FBXO4: variants seen among roughly 807,000 people sequenced by gnomAD.
FBXO4 encodes the protein F-box protein 4.
Under a neutral mutation model 43.7 loss-of-function variants are expected in FBXO4, and 36 were observed. That is an observed-to-expected ratio of 0.82 (90% confidence interval 0.63 to 1.09). The LOEUF (loss-of-function observed/expected upper bound fraction) is 1.09. Ranked by LOEUF, FBXO4 falls within the 50% of genes least tolerant of loss-of-function variation. FBXO4 has a pLI of 0.00. For missense variants in FBXO4, 435 were observed against 474.1 expected (o/e 0.92, Z 0.77); for synonymous variants, 180 against 165.6 (o/e 1.09, Z -0.67).
chr5:41,947,257 A>T, the FBXO4 span, among the ~76,000 whole-genome samples: 1 of 152,250 alleles, frequency 6.6e-6, no homozygotes, highest in Non-Finnish European at 1.5e-5. Flanking sequence ...AACTACCTTC[A>T]TCAATTAAGA....
chr5:41,966,935 T>C, the FBXO4 span, among the ~76,000 whole-genome samples: 1 of 152,196 alleles, frequency 6.6e-6, no homozygotes, highest in African/African-American at 2.4e-5. Context: ...GGTAGATCCC[T>C]TGACCCTGCA....
At chr5:41,928,022 C>T (rs569177771) in intron 2 of FBXO4, among the ~76,000 whole-genome samples, 1 of 152,258 alleles carries the variant, frequency 6.6e-6, no homozygotes, top group East Asian at 1.9e-4. Flanking sequence ...GTGCTTGACT[C>T]AGTAGCAAAA....
At chr5:41,993,641 C>T in the FBXO4 span, among the ~76,000 whole-genome samples, 6 of 104,330 alleles carry the variant, frequency 5.8e-5, no homozygotes, top group African/African-American at 1.8e-4. Context: ...ATATATATAT[C>T]GTTTTATGTA....
chr5:41,933,146 C>A (rs1319653090), intron 3 of FBXO4, among the ~76,000 whole-genome samples: 2 of 152,186 alleles, frequency 1.3e-5, no homozygotes, highest in African/African-American at 4.8e-5. Flanking sequence ...TATAATCCAA[C>A]TCTGACGAAT....
chr5:41,928,343 T>C (rs1372329332), intron 2 of FBXO4, among the ~76,000 whole-genome samples: 1 of 151,698 alleles, frequency 6.6e-6, no homozygotes, highest in African/African-American at 2.4e-5. Context: ...CTTTTCTTTT[T>C]TTTTTTTTTG....
At chr5:42,014,302 A>C in the FBXO4 span, among the ~76,000 whole-genome samples, 1 of 152,214 alleles carries the variant, frequency 6.6e-6, no homozygotes, top group African/African-American at 2.4e-5. Flanking sequence ...TTGTGTGAAT[A>C]TTAACAATGA....
chr5:42,025,605 A>AT, the FBXO4 span, among the ~76,000 whole-genome samples: 1,040 of 151,754 alleles, frequency 6.9e-3, 19 homozygotes, highest in African/African-American at 0.024. Context: ...ATTAATCAAG[A>AT]TTTTTTTTCC....
At chr5:42,008,948 T>C in the FBXO4 span, among the ~76,000 whole-genome samples, 1 of 152,148 alleles carries the variant, frequency 6.6e-6, no homozygotes, top group Admixed American at 6.5e-5. Flanking sequence ...TGCCATTTTC[T>C]CTTTTCTAGA....
At chr5:41,999,506 T>C in the FBXO4 span, among the ~76,000 whole-genome samples, 10 of 63,638 alleles carry the variant, frequency 1.6e-4, 1 homozygote, top group African/African-American at 8.6e-4. Flanking sequence ...TATATATATG[T>C]GTATATATAT....
chr5:42,021,167 T>C, the FBXO4 span, among the ~76,000 whole-genome samples: 111 of 152,112 alleles, frequency 7.3e-4, no homozygotes, highest in Non-Finnish European at 1.4e-3. Context: ...GGCTGCTATA[T>C]AGAAAATAGA....
the FBXO4 span, among the ~76,000 whole-genome samples, chr5:42,034,278 A>C: frequency 6.6e-6 from 1 of 152,010 alleles, no homozygotes; most frequent in Non-Finnish European, 1.5e-5. Flanking sequence ...TTGTCAGGTG[A>C]GTGGATTGCA....
In FBXO4 at chr5:41,929,688, T is replaced by G. The variant is rs201039278; in HGVS notation, c.426-9T>G. The G allele has an allele frequency of 1.3e-5, 21 of 1,566,144 alleles. No individual in the cohort carries two copies. The African/African-American group carries it at 2.1e-4, about 15-fold the overall frequency. On this transcript the variant is annotated splice_polypyrimidine_tract_variant and intron_variant, in intron 2 of 6. Transcript: ENST00000281623. ...GTGTTAATGTTCTAATTGTGACAAT[T>G]TTTTACAGCTATAGAATGTGCTGTC...
the FBXO4 span, among the ~76,000 whole-genome samples, chr5:41,985,268 T>A: frequency 6.6e-6 from 1 of 152,220 alleles, no homozygotes; most frequent in Non-Finnish European, 1.5e-5. Flanking sequence ...CTAAACCATC[T>A]CTTTATTAAC....
chr5:41,993,250 G>A, the FBXO4 span, among the ~76,000 whole-genome samples: 1 of 152,000 alleles, frequency 6.6e-6, no homozygotes, highest in African/African-American at 2.4e-5. Context: ...GAGCTGTGTT[G>A]CAACTTTTTA....
chr5:42,019,962 C>T, the FBXO4 span, among the ~76,000 whole-genome samples: 1 of 151,892 alleles, frequency 6.6e-6, no homozygotes, highest in Non-Finnish European at 1.5e-5. Flanking sequence ...TAATAATTTT[C>T]AAAATTATTG....
the FBXO4 span, among the ~76,000 whole-genome samples, chr5:42,009,257 A>G: frequency 3.3e-5 from 5 of 152,100 alleles, no homozygotes; most frequent in Non-Finnish European, 7.3e-5. Flanking sequence ...CATGTCTGAC[A>G]AAGTCAGGCC....
chr5:41,967,773 A>C, the FBXO4 span: 2 of 614,496 alleles, frequency 3.3e-6, no homozygotes, highest in Non-Finnish European at 6.4e-6. Flanking sequence ...TTCTCTCATC[A>C]ATGTGCTCTG....
chr5:41,941,323 A>G lies in FBXO4; in HGVS notation c.*42A>G. 1.3e-6 allele frequency: 2 copies of G among 1,547,594 alleles called. No individual in the cohort carries two copies. Among genetic ancestry groups the G allele is most frequent in the African/African-American group, 2.7e-5 (2 of 73,640 alleles). ...TGGGAACTGAAACCATTTGAAATTT[A>G]TTACTAAGGTCGTGATGTGAATATT... On this transcript the variant is annotated 3_prime_UTR_variant, in exon 7 of 7. Transcript: ENST00000281623.
chr5:42,011,910 AT>A, the FBXO4 span, among the ~76,000 whole-genome samples: 2 of 151,938 alleles, frequency 1.3e-5, no homozygotes, highest in Non-Finnish European at 2.9e-5. Flanking sequence ...TGTGGGTTTT[AT>A]TTTTTCTTAT....
Sources: allele counts gnomAD v4.1 joint callset (sites outside exome capture counted in the v4.1 genomes callset), GRCh38; gene constraint gnomAD v4.1.1; transcripts MANE v1.5; gene names NCBI Gene and HGNC (gene_info 2026-07-23, HGNC 2026-07-21).